The following GOLIM4 variants were observed in gnomAD, a reference collection of about 807,000 sequenced individuals.
GOLIM4 encodes 130 kDa golgi-localized phosphoprotein.
In GOLIM4, 71 loss-of-function variants were observed where a neutral mutation model predicts 107.4. The observed-to-expected ratio is 0.66, with a 90% CI of 0.55 to 0.81. The LOEUF (loss-of-function observed/expected upper bound fraction) is 0.81, where lower values mean the gene tolerates loss of function less well. Ranked by LOEUF, GOLIM4 falls within the 30% of genes least tolerant of loss-of-function variation. The probability of loss-of-function intolerance (pLI) is 0.00; values close to 1 mark genes in which losing one functional copy is unlikely to be tolerated. For missense variants in GOLIM4, 830 were observed against 826.1 expected (o/e 1.00, Z -0.06); for synonymous variants, 327 against 294.8 (o/e 1.11, Z -1.12).
chr3:168,081,381 T>C (rs1282461380), intron 1 of GOLIM4, among the ~76,000 whole-genome samples: 1 of 152,158 alleles, frequency 6.6e-6, no homozygotes, highest in East Asian at 1.9e-4. Context: ...CATCAGCATC[T>C]TCCATGGACA....
chr3:168,056,232 G>A (rs1484243037), intron 1 of GOLIM4, among the ~76,000 whole-genome samples: 2 of 152,234 alleles, frequency 1.3e-5, no homozygotes, highest in Non-Finnish European at 2.9e-5. Flanking sequence ...AGCCTTGGCA[G>A]CTTCCACACG....
At chr3:168,060,776 T>C (rs1217061402) in intron 1 of GOLIM4, among the ~76,000 whole-genome samples, 1 of 152,226 alleles carries the variant, frequency 6.6e-6, no homozygotes, top group East Asian at 1.9e-4. Context: ...TCTGAAAGTT[T>C]AGTAAGAGTG....
intron 14 of GOLIM4, among the ~76,000 whole-genome samples, chr3:168,018,335 G>A (rs1031970311): frequency 3.3e-5 from 5 of 152,152 alleles, no homozygotes; most frequent in South Asian, 2.1e-4. Context: ...AGAATGAACT[G>A]CAGCCTCACA....
intron 12 of GOLIM4, among the ~76,000 whole-genome samples, chr3:168,027,169 C>T (rs1446540998): frequency 2.6e-5 from 4 of 152,186 alleles, no homozygotes; most frequent in East Asian, 1.9e-4. Context: ...TGTCTACCTA[C>T]TTATATTATA....
intron 1 of GOLIM4, among the ~76,000 whole-genome samples, chr3:168,089,602 T>C (rs1208506806): frequency 6.6e-6 from 1 of 152,118 alleles, no homozygotes; most frequent in Non-Finnish European, 1.5e-5. Flanking sequence ...CAAATCCAAG[T>C]GCTCTGACGC....
At chr3:168,059,995 G>A (rs984216544) in intron 1 of GOLIM4, among the ~76,000 whole-genome samples, 5 of 152,156 alleles carry the variant, frequency 3.3e-5, no homozygotes, top group African/African-American at 4.8e-5. Flanking sequence ...GGGTGAGCCC[G>A]GAAAGTCAAA....
At position 168,027,791 on chromosome 3, in the gene GOLIM4, T is replaced by C. The variant is rs375314963; in HGVS notation, c.1560A>G (p.Pro520=). The C allele has an allele frequency of 1.4e-4, 232 of 1,613,482 alleles. No individual in the cohort carries two copies. The highest frequency in any genetic ancestry group is 1.8e-4 in the Non-Finnish European group (217 of 1,179,554). ...GTTCACGAGGCTCATGTCTATTACC[T>C]GGATCTCCTTCTGCTTCATCTTGGT... is the stretch of plus-strand genomic sequence containing the variant. ...NQHQDEAEGD[P]GNRHEPREQG... The change falls in exon 12 of 16, where the codon CCA becomes CCG. Residue 520 remains proline, a synonymous_variant. Transcript: ENST00000470487.
At chr3:168,030,415 A>C (rs1718254453) in intron 9 of GOLIM4, among the ~76,000 whole-genome samples, 1 of 150,638 alleles carries the variant, frequency 6.6e-6, no homozygotes, top group Admixed American at 6.7e-5. Flanking sequence ...CTGTGACCTT[A>C]TGCTACGCCT....
At chr3:168,069,384 G>A (rs988965877) in intron 1 of GOLIM4, among the ~76,000 whole-genome samples, 2 of 152,154 alleles carry the variant, frequency 1.3e-5, no homozygotes, top group Non-Finnish European at 2.9e-5. Context: ...GAGAACTGAT[G>A]TTTCCAATGA....
intron 1 of GOLIM4, among the ~76,000 whole-genome samples, chr3:168,062,821 T>C (rs1412317298): frequency 6.6e-6 from 1 of 152,192 alleles, no homozygotes; most frequent in East Asian, 1.9e-4. Flanking sequence ...GAGAGATTGA[T>C]TCAAAGTGTA....
At chr3:168,035,977 C>T (rs1041256538) in intron 8 of GOLIM4, among the ~76,000 whole-genome samples, 5 of 152,136 alleles carry the variant, frequency 3.3e-5, no homozygotes, top group African/African-American at 1.2e-4. Context: ...TATTATTTGA[C>T]TAGCACTCAT....
intron 3 of GOLIM4, among the ~76,000 whole-genome samples, chr3:168,046,674 C>CT (rs1346132679): frequency 6.6e-6 from 1 of 152,102 alleles, no homozygotes; most frequent in African/African-American, 2.4e-5. Flanking sequence ...AAAAGAGAGA[C>CT]TGCAAACAAA....
intron 1 of GOLIM4, among the ~76,000 whole-genome samples, chr3:168,089,607 T>G (rs1721794911): frequency 6.6e-6 from 1 of 152,186 alleles, no homozygotes; most frequent in Non-Finnish European, 1.5e-5. Context: ...CCAAGTGCTC[T>G]GACGCCTCAG....
At position 168,037,451 on chromosome 3, in the gene GOLIM4, TAC is replaced by T. The variant is rs10628217; in HGVS notation, c.685-459_685-458del. On this transcript the variant is annotated intron_variant, in intron 7 of 15. Coordinates refer to ENST00000470487, the MANE Select transcript of GOLIM4 (RefSeq NM_014498.5). ...GTTTAAAATAAATTTTAAATACACA[TAC>T]ACACACACACACACACACAAACACA... is the stretch of plus-strand genomic sequence containing the variant. Among the ~76,000 whole-genome samples, 80 of 149,502 alleles carry T rather than the reference TAC, an allele frequency of 5.4e-4. 1 individual carries two copies. In the Middle Eastern group the frequency reaches 0.014, roughly 26 times the overall value.
At chr3:168,022,168 C>T (rs1199675680) in intron 14 of GOLIM4, among the ~76,000 whole-genome samples, 1 of 151,992 alleles carries the variant, frequency 6.6e-6, no homozygotes, top group Non-Finnish European at 1.5e-5. Flanking sequence ...ATGGGCTATA[C>T]CTCTGAACAG....
At chr3:168,049,130 G>T (rs539194152) in intron 1 of GOLIM4, among the ~76,000 whole-genome samples, 15 of 152,246 alleles carry the variant, frequency 9.9e-5, no homozygotes, top group African/African-American at 3.1e-4. Context: ...ATCCAGAGTC[G>T]CCTGGTGAGC....
chr3:168,089,304 A>C (rs1197539723), intron 1 of GOLIM4, among the ~76,000 whole-genome samples: 3 of 152,200 alleles, frequency 2.0e-5, no homozygotes, highest in Non-Finnish European at 4.4e-5. Flanking sequence ...TTCATGTTTT[A>C]AGTTCTAACG....
At chr3:168,040,645 A>G (rs189846847) in intron 7 of GOLIM4, 141 bp downstream of exon 7, 2 of 527,580 alleles carry the variant, frequency 3.8e-6, no homozygotes, top group East Asian at 5.8e-5. Flanking sequence ...TTTTGAAAGC[A>G]TGCATGATCC....
chr3:168,095,032 T>C (rs2108301770), intron 1 of GOLIM4, 67 bp downstream of exon 1: 1 of 1,319,762 alleles, frequency 7.6e-7, no homozygotes, highest in East Asian at 2.4e-5. Flanking sequence ...CCAAAGCCAC[T>C]TTTCCTGCCC....
Sources: gnomAD v4.1 joint callset for allele counts (sites outside exome capture counted in the v4.1 genomes callset) on GRCh38, gnomAD v4.1.1 for gene constraint, MANE v1.5 for transcripts, NCBI Gene and HGNC (gene_info 2026-07-23, HGNC 2026-07-21) for gene names.